Variants in BIRC6 observed in about 807,000 individuals in gnomAD.
BIRC6 encodes the protein baculoviral IAP repeat containing 6, also known as dual E2 ubiquitin-conjugating enzyme/E3 ubiquitin-protein ligase BIRC6.
In BIRC6, 98 loss-of-function variants were observed where a neutral mutation model predicts 503.3. That is an observed-to-expected ratio of 0.19 (90% CI 0.17 to 0.23). The LOEUF (loss-of-function observed/expected upper bound fraction) is 0.23, where lower values mean the gene tolerates loss of function less well. Among genes scored for constraint, BIRC6 ranks in the 10% least tolerant of loss-of-function variants. The pLI is 1.00. For synonymous variants in BIRC6, 2,240 were observed against 2,078.7 expected (o/e 1.08, Z -2.11); for missense variants, 5,360 against 5,806.0 (o/e 0.92, Z 2.50).
intron 61 of BIRC6, among the ~76,000 whole-genome samples, chr2:32,537,585 T>A (rs1433681064): frequency 6.6e-6 from 1 of 152,184 alleles, no homozygotes; most frequent in East Asian, 1.9e-4. Context: ...CCATCGCCTC[T>A]CAAAAATCAG....
intron 31 of BIRC6, 74 bp downstream of exon 31, chr2:32,470,375 T>A: frequency 7.7e-7 from 1 of 1,292,664 alleles, no homozygotes; most frequent in South Asian, 1.5e-5. Context: ...ATATCTTCTC[T>A]GAAATACTTT....
chr2:32,412,764 A>G (rs2042025131), intron 9 of BIRC6, among the ~76,000 whole-genome samples: 1 of 151,996 alleles, frequency 6.6e-6, no homozygotes, highest in Non-Finnish European at 1.5e-5. Flanking sequence ...ACTCCTTCAG[A>G]GTGGTGAAAG....
intron 41 of BIRC6, 89 bp downstream of exon 41, chr2:32,487,890 G>C: frequency 9.2e-7 from 1 of 1,082,094 alleles, no homozygotes; most frequent in Non-Finnish European, 1.3e-6. Context: ...TTCTAATCCT[G>C]TCAGGGATGA....
chr2:32,435,522 G>A lies in BIRC6; in HGVS notation c.3436G>A (p.Gly1146Arg). The change falls in exon 14 of 74, where the codon GGG becomes AGG. Residue 1146 changes from glycine (G) to arginine (R), a missense_variant. Gly to Arg is a moderately radical substitution (Grantham distance 125, BLOSUM62 -2). This residue lies in a region of BIRC6 where 2,299 missense variants were observed against 2,267.2 expected (regional missense o/e 1.01). Transcript: ENST00000421745. ...TCTTAACATTGAAGTGGAACAAAAT[G>A]GGAAACCGTCCCTGGTTGATTTGAA... ...NALNIEVEQN[G>R]KPSLVDLNEE... 6.4e-7 allele frequency: 1 copy of A among 1,554,408 alleles called. No homozygotes were observed. Among genetic ancestry groups the A allele is most frequent in the Non-Finnish European group, 8.7e-7 (1 of 1,147,942 alleles).
At chr2:32,519,558 C>G (rs1324295054) in intron 57 of BIRC6, among the ~76,000 whole-genome samples, 2 of 152,074 alleles carry the variant, frequency 1.3e-5, no homozygotes, top group Non-Finnish European at 2.9e-5. Context: ...CTCTGTCACC[C>G]AGGCTGAAGT....
intron 2 of BIRC6, chr2:32,379,188 G>A (rs1242026953): frequency 6.6e-6 from 1 of 152,120 alleles, no homozygotes; most frequent in Non-Finnish European, 1.5e-5. Context: ...CAGAGTATTT[G>A]GGTCTGGAGG....
intron 20 of BIRC6, 56 bp downstream of exon 20, chr2:32,443,644 G>A: frequency 8.0e-7 from 1 of 1,249,838 alleles, no homozygotes; most frequent in South Asian, 1.4e-5. Flanking sequence ...CATCTCATAT[G>A]TATACTTAGG....
Position 32,594,378 on chromosome 2 carries a change from A to T in BIRC6, c.13501+318A>T, listed in dbSNP as rs188300044. ...AGATAGAAAATAGTACATTAAGACT[A>T]TGGGTGAGAATTTAGTTTAAATTGA... On this transcript the variant is annotated intron_variant, in intron 67 of 73. Transcript: ENST00000421745. The T allele has an allele frequency of 2.0e-3, 383 of 195,050 alleles. 6 individuals carry two copies. Among genetic ancestry groups the T allele is most frequent in the African/African-American group, 8.8e-3 (374 of 42,728 alleles). The allele number at this position is 195,050 out of a possible 1,614,324, so 12.1% of individuals were successfully genotyped here. A position where few individuals can be genotyped will look rare whatever the true frequency, so the allele number is the denominator to read the frequency against.
chr2:32,399,797 T>A (rs957211910), intron 6 of BIRC6, among the ~76,000 whole-genome samples: 1 of 151,846 alleles, frequency 6.6e-6, no homozygotes, highest in Admixed American at 6.6e-5. Context: ...TTAAATTTTT[T>A]ATTTTTTAGA....
intron 53 of BIRC6, among the ~76,000 whole-genome samples, 171 bp downstream of exon 53, chr2:32,510,805 T>C (rs908546634): frequency 3.3e-5 from 5 of 152,216 alleles, no homozygotes; most frequent in Admixed American, 2.6e-4. Context: ...TCATGAACAT[T>C]AGACATACAT....
chr2:32,483,356 T>C (rs2050632034), intron 39 of BIRC6, among the ~76,000 whole-genome samples: 2 of 152,230 alleles, frequency 1.3e-5, no homozygotes, highest in South Asian at 4.1e-4. Flanking sequence ...TTTACCAGAA[T>C]GTTTCAAGTT....
At chr2:32,416,215 A>AT in intron 10 of BIRC6, 52 bp downstream of exon 10, 1 of 1,486,790 alleles carries the variant, frequency 6.7e-7, no homozygotes, top group Non-Finnish European at 9.0e-7. Context: ...TATATATGGC[A>AT]TTTGTTTATG....
At chr2:32,358,551 A>C (rs915567346) in intron 1 of BIRC6, among the ~76,000 whole-genome samples, 1 of 152,246 alleles carries the variant, frequency 6.6e-6, no homozygotes, top group Non-Finnish European at 1.5e-5. Context: ...TCCTGCATAG[A>C]GATGTAATGT....
At chr2:32,359,573 A>G (rs1156591449) in intron 1 of BIRC6, among the ~76,000 whole-genome samples, 17 of 152,194 alleles carry the variant, frequency 1.1e-4, no homozygotes, top group Admixed American at 1.0e-3. Flanking sequence ...ATTGGATACA[A>G]TTGCAGGTCC....
chr2:32,537,855 A>G (rs573574756), intron 61 of BIRC6, among the ~76,000 whole-genome samples: 4 of 151,782 alleles, frequency 2.6e-5, no homozygotes, highest in Non-Finnish European at 5.9e-5. Flanking sequence ...AGTCCCAGCT[A>G]CTCTGGAGGC....
intron 8 of BIRC6, among the ~76,000 whole-genome samples, chr2:32,403,786 T>TTA (rs1472266702): frequency 2.0e-5 from 3 of 152,186 alleles, no homozygotes; most frequent in East Asian, 3.8e-4. Flanking sequence ...ACAGTGCCTA[T>TTA]TATATAAATA....
chr2:32,506,787 TG>T (rs1415247323), intron 50 of BIRC6, among the ~76,000 whole-genome samples: 1 of 152,210 alleles, frequency 6.6e-6, no homozygotes, highest in Admixed American at 6.5e-5. Flanking sequence ...AACATGGACT[TG>T]AATCTAAGGT....
At chr2:32,482,079 C>G (rs2050471771) in intron 38 of BIRC6, among the ~76,000 whole-genome samples, 1 of 152,130 alleles carries the variant, frequency 6.6e-6, no homozygotes, top group South Asian at 2.1e-4. Context: ...TAAACTTCAT[C>G]CGAGCTGTGT....
intron 4 of BIRC6, among the ~76,000 whole-genome samples, chr2:32,389,718 C>T (rs1052211429): frequency 2.0e-5 from 3 of 152,166 alleles, no homozygotes; most frequent in Admixed American, 6.5e-5. Flanking sequence ...ATTTTTGAGA[C>T]GGAGTTTCAC....
Sources: gnomAD v4.1 joint callset for allele counts (sites outside exome capture counted in the v4.1 genomes callset) on GRCh38, gnomAD v4.1.1 for gene constraint, gnomAD v4.1.1 regional missense constraint, MANE v1.5 for transcripts, NCBI Gene and HGNC (gene_info 2026-07-23, HGNC 2026-07-21) for gene names.